The following TBX18 variants were observed in gnomAD, a reference collection of about 807,000 sequenced individuals.
The protein encoded by TBX18 is T-box transcription factor 18.
In TBX18, 21 loss-of-function variants were observed where a neutral mutation model predicts 55.0. That is an observed-to-expected ratio of 0.38 (90% CI 0.27 to 0.55). The LOEUF is 0.55. Among genes scored for constraint, TBX18 ranks in the 20% least tolerant of loss-of-function variants. TBX18 has a pLI of 0.73. For synonymous variants in TBX18, 342 were observed against 326.1 expected (o/e 1.05, Z -0.53); for missense variants, 840 against 799.6 (o/e 1.05, Z -0.61).
At position 84,748,103 on chromosome 6, in the gene TBX18, A is replaced by T. The variant is rs772517437; in HGVS notation, c.772-16T>A. On this transcript the variant is annotated splice_polypyrimidine_tract_variant and intron_variant, in intron 4 of 7. Transcript: ENST00000369663. ...GAAGAATAATCTATATCAAAGAAGG[A>T]AAAGCTGAATTTATCAGAAGCCTCT... 6.3e-7 allele frequency: 1 copy of T among 1,583,160 alleles called. No individual in the cohort carries two copies. Among genetic ancestry groups the T allele is most frequent in the Non-Finnish European group, 8.6e-7 (1 of 1,158,454 alleles).
At chr6:84,759,205 A>T (rs1180691783) in intron 3 of TBX18, among the ~76,000 whole-genome samples, 1 of 152,116 alleles carries the variant, frequency 6.6e-6, no homozygotes, top group Non-Finnish European at 1.5e-5. Context: ...TTATACACAA[A>T]ACAAATAATA....
Position 84,732,496 on chromosome 6 carries a change from T to C in TBX18, c.*4189A>G, listed in dbSNP as rs1773830516. The C allele has an allele frequency of 6.6e-6, 1 of 152,060 alleles. No homozygotes were observed. Among genetic ancestry groups the C allele is most frequent in the African/African-American group, 2.4e-5 (1 of 41,424 alleles). The allele number at this position is 152,060 out of a possible 1,614,324, so 9.4% of individuals were successfully genotyped here. A position where few individuals can be genotyped will look rare whatever the true frequency, so the allele number is the denominator to read the frequency against. On this transcript the variant is annotated 3_prime_UTR_variant, in exon 8 of 8. Transcript: ENST00000369663. Reference sequence around the variant, plus strand: ...AAAATTATTCAAAAAGACACAATTGTTTTCTCGAGGATTTAAATGTATTTT... The same window carrying C: ...AAAATTATTCAAAAAGACACAATTGCTTTCTCGAGGATTTAAATGTATTTT...
chr6:84,761,545 AT>A (rs1446244142), intron 2 of TBX18, among the ~76,000 whole-genome samples: 1 of 152,180 alleles, frequency 6.6e-6, no homozygotes, highest in Admixed American at 6.5e-5. Context: ...TCAATAAAAT[AT>A]GTTTTTTTGT....
chr6:84,763,605 G>A (rs1359318592), intron 1 of TBX18: 1 of 647,324 alleles, frequency 1.5e-6, no homozygotes, highest in Non-Finnish European at 2.7e-6. Context: ...GGAGGCAGAT[G>A]CAGGAAGCAC....
chr6:84,738,180 T>A (rs1232344323), intron 7 of TBX18, among the ~76,000 whole-genome samples: 1 of 152,106 alleles, frequency 6.6e-6, no homozygotes, highest in African/African-American at 2.4e-5. Context: ...AAGGGTGGAC[T>A]GGGGGCACCA....
At chr6:84,753,129 T>C (rs770390398) in intron 4 of TBX18, among the ~76,000 whole-genome samples, 1 of 152,152 alleles carries the variant, frequency 6.6e-6, no homozygotes, top group African/African-American at 2.4e-5. Context: ...CAGGAAGAGA[T>C]TAAGGTCTTC....
At position 84,764,044 on chromosome 6, in the gene TBX18, C is replaced by A; in HGVS notation, c.138G>T (p.Ala46=). 6.4e-7 allele frequency: 1 copy of A among 1,557,756 alleles called. No homozygotes were observed. The highest frequency in any genetic ancestry group is 8.7e-7 in the Non-Finnish European group (1 of 1,154,658). ...KKRRKLGAEE[A]AGAVDDGGCS... ...AGCCTCCGTCGTCCACGGCCCCCGCCGCCTCTTCGGCGCCCAGTTTTCGCC... is the reference window on the plus strand; with the variant it reads ...AGCCTCCGTCGTCCACGGCCCCCGCAGCCTCTTCGGCGCCCAGTTTTCGCC... The change falls in exon 1 of 8, where the codon GCG becomes GCT. Residue 46 remains alanine (A), a synonymous_variant. Coordinates refer to ENST00000369663, the MANE Select transcript of TBX18 (RefSeq NM_001080508.3).
chr6:84,762,809 G>A (rs1767692027), intron 1 of TBX18, 61 bp from the exon 2 acceptor site: 7 of 1,505,938 alleles, frequency 4.6e-6, no homozygotes, highest in Admixed American at 3.9e-5. Flanking sequence ...AGCCAGCCGC[G>A]GAGACGGGCC....
At position 84,763,661 on chromosome 6, in the gene TBX18, G is replaced by T. The variant is rs1372492355; in HGVS notation, c.292+229C>A. 3.3e-5 allele frequency among the ~76,000 whole-genome samples: 5 copies of T among 152,244 alleles called. No individual in the cohort carries two copies. In the East Asian group the frequency reaches 9.8e-4, roughly 30 times the overall value. Reference sequence around the variant, plus strand: ...AGCAAACAGCCGCGGCCGAAGGCGCGGGTCGCCGAGTGGGCGGCGGCCGCC... The same window carrying T: ...AGCAAACAGCCGCGGCCGAAGGCGCTGGTCGCCGAGTGGGCGGCGGCCGCC... On this transcript the variant is annotated intron_variant, in intron 1 of 7. Coordinates refer to ENST00000369663, the MANE Select transcript of TBX18 (RefSeq NM_001080508.3).
intron 4 of TBX18, among the ~76,000 whole-genome samples, chr6:84,751,224 T>C (rs935180004): frequency 1.3e-5 from 2 of 152,250 alleles, no homozygotes; most frequent in Non-Finnish European, 2.9e-5. Context: ...TTTGGGTTTC[T>C]TTTTACTAGT....
intron 1 of TBX18, 38 bp from the exon 2 acceptor site, chr6:84,762,786 GA>G (rs1767690882): frequency 3.2e-6 from 5 of 1,557,108 alleles, no homozygotes; most frequent in Non-Finnish European, 3.5e-6. Flanking sequence ...ACTGGTGAGG[GA>G]AACAGAGGGG....
rs1267460546 is a variant in TBX18 at position 84,764,034 on chromosome 6, C to T, written c.148G>A (p.Val50Met). 16 of 1,555,542 alleles carry T rather than the reference C, an allele frequency of 1.0e-5. No individual in the cohort carries two copies. The highest frequency in any genetic ancestry group is 2.4e-5 in the East Asian group (1 of 42,080). The change falls in exon 1 of 8, where the codon GTG becomes ATG. Residue 50 changes from valine to methionine, a missense_variant. By Grantham distance (21) the Val-to-Met change is conservative. Transcript: ENST00000369663. ...CCGCGGCTGCAGCCTCCGTCGTCCA[C>T]GGCCCCCGCCGCCTCTTCGGCGCCC... ...KLGAEEAAGA[V>M]DDGGCSRGGG...
chr6:84,744,236 C>T (rs1330188924), intron 6 of TBX18, 25 bp downstream of exon 6: 17 of 1,587,434 alleles, frequency 1.1e-5, no homozygotes, highest in South Asian at 8.1e-5. Flanking sequence ...TTATCATAAC[C>T]GGAATGGTCT....
Position 84,761,183 on chromosome 6 carries a change from AT to A in TBX18, c.498-828del, listed in dbSNP as rs980337658. ...TATAAAAAACAAATACAGCAGTTTG[AT>A]TTTTAAATATCATTTAATGACTTAC... On this transcript the variant is annotated intron_variant, in intron 2 of 7. Coordinates refer to ENST00000369663, the MANE Select transcript of TBX18 (RefSeq NM_001080508.3). 2.0e-4 allele frequency among the ~76,000 whole-genome samples: 31 copies of A among 152,200 alleles called. 1 individual carries two copies. Among genetic ancestry groups the A allele is most frequent in the Admixed American group, 2.0e-3 (30 of 15,302 alleles).
At position 84,736,792 on chromosome 6, in the gene TBX18, C is replaced by T; in HGVS notation, c.1717G>A (p.Glu573Lys). 6.2e-7 allele frequency: 1 copy of T among 1,614,154 alleles called. No homozygotes were observed. Among genetic ancestry groups the T allele is most frequent in the Non-Finnish European group, 8.5e-7 (1 of 1,180,012 alleles). Residue 573 changes from glutamate (E) to lysine (K), a missense_variant, in exon 8 of 8, where the codon GAA (glutamate) becomes AAA (lysine). Physicochemically the swap from Glu to Lys is moderately conservative, Grantham distance 56. Coordinates refer to ENST00000369663, the MANE Select transcript of TBX18 (RefSeq NM_001080508.3). Reference protein sequence around the residue: ...MTDRQMLPPVEGVHLLSSGGQ... With the variant: ...MTDRQMLPPVKGVHLLSSGGQ... The stretch of plus-strand genomic sequence containing the variant: ...CCACTGCTAAGCAGGTGCACTCCTT[C>T]CACAGGGGGCAACATCTGCCGATCC...
intron 7 of TBX18, among the ~76,000 whole-genome samples, chr6:84,737,809 G>C (rs1766921902): frequency 6.6e-6 from 1 of 152,176 alleles, no homozygotes; most frequent in South Asian, 2.1e-4. Context: ...CTTCATTGCT[G>C]TATTGATGGT....
rs1000413304 is a variant in TBX18, at chr6:84,735,856, C to T, written c.*829G>A. 3.3e-5 allele frequency: 5 copies of T among 152,062 alleles called. No homozygotes were observed. The highest frequency in any genetic ancestry group is 6.6e-5 in the Admixed American group (1 of 15,256). The allele number at this position is 152,062 out of a possible 1,614,324, so 9.4% of individuals were successfully genotyped here. On this transcript the variant is annotated 3_prime_UTR_variant, in exon 8 of 8. Transcript: ENST00000369663. ...TTTATTTTCCTTTTGCCATTCCACTCATATCACATATTCCTCCCCTGGTGA... is the reference window on the plus strand; with the variant it reads ...TTTATTTTCCTTTTGCCATTCCACTTATATCACATATTCCTCCCCTGGTGA...
Position 84,736,455 on chromosome 6 carries a change from A to AG in TBX18, c.*229dup. 2.8e-6 allele frequency: 1 copy of AG among 360,236 alleles called. No individual in the cohort carries two copies. The highest frequency in any genetic ancestry group is 4.7e-6 in the Non-Finnish European group (1 of 210,866). 22.3% of individuals were successfully genotyped at this position (360,236 alleles called of 1,614,324 possible). On this transcript the variant is annotated 3_prime_UTR_variant, in exon 8 of 8. Transcript: ENST00000369663. ...AATACTCCGTGCAACTGGATGAAAC[A>AG]GGGGAACAATAGGGGCCGTGATACT...
At position 84,748,090 on chromosome 6, in the gene TBX18, A is replaced by G. The variant is rs770445638; in HGVS notation, c.772-3T>C. ...TTGTGCATAGAATGAAGAATAATCT[A>G]TATCAAAGAAGGAAAAGCTGAATTT... On this transcript the variant is annotated splice_polypyrimidine_tract_variant and splice_region_variant and intron_variant, in intron 4 of 7. Coordinates refer to ENST00000369663, the MANE Select transcript of TBX18 (RefSeq NM_001080508.3). 1.9e-6 allele frequency: 3 copies of G among 1,590,616 alleles called. No homozygotes were observed. The highest frequency in any genetic ancestry group is 1.7e-5 in the Admixed American group (1 of 58,868).
Sources: allele counts gnomAD v4.1 joint callset (sites outside exome capture counted in the v4.1 genomes callset), GRCh38; gene constraint gnomAD v4.1.1; transcripts MANE v1.5; gene names NCBI Gene and HGNC (gene_info 2026-07-23, HGNC 2026-07-21).